ANK3: variants seen among roughly 807,000 people sequenced by gnomAD.
The protein encoded by ANK3 is ankyrin 3.
In ANK3, 57 loss-of-function variants were observed where a neutral mutation model predicts 370.9. That is an observed-to-expected ratio of 0.15 (90% CI 0.12 to 0.19). ANK3 has a LOEUF of 0.19. ANK3 is among the 10% of genes least tolerant of loss of function. ANK3 has a pLI of 1.00. For missense variants in ANK3, 4,439 were observed against 5,302.1 expected (o/e 0.84, Z 5.06); for synonymous variants, 1,929 against 1,946.3 (o/e 0.99, Z 0.23).
chr10:60,533,327 T>C (rs1311953594), intron 2 of ANK3, among the ~76,000 whole-genome samples: 2 of 152,134 alleles, frequency 1.3e-5, no homozygotes, highest in African/African-American at 4.8e-5. Flanking sequence ...AAGGAAGCTG[T>C]CGCTCAGAGA....
intron 7 of ANK3, among the ~76,000 whole-genome samples, chr10:60,242,901 T>C (rs1416598356): frequency 6.6e-6 from 1 of 152,134 alleles, no homozygotes; most frequent in Non-Finnish European, 1.5e-5. Context: ...AAAATGAAAA[T>C]ACCTTGCCAA....
At chr10:60,146,752 T>A (rs2094846354) in intron 23 of ANK3, among the ~76,000 whole-genome samples, 2 of 152,160 alleles carry the variant, frequency 1.3e-5, no homozygotes, top group African/African-American at 2.4e-5. Flanking sequence ...AGTGCTGGGA[T>A]TACAGACATG....
chr10:60,608,014 T>C (rs1222234112), intron 2 of ANK3, among the ~76,000 whole-genome samples: 1 of 152,168 alleles, frequency 6.6e-6, no homozygotes, highest in Non-Finnish European at 1.5e-5. Flanking sequence ...TTTTCCTTTA[T>C]CCAGATGTAT....
At chr10:60,194,576 T>C (rs899804798) in intron 16 of ANK3, among the ~76,000 whole-genome samples, 3 of 152,248 alleles carry the variant, frequency 2.0e-5, no homozygotes, top group African/African-American at 7.2e-5. Flanking sequence ...GTAGAGTATG[T>C]CAGAATTTCC....
chr10:60,056,678 C>T (rs2079231947), intron 41 of ANK3, among the ~76,000 whole-genome samples: 1 of 152,114 alleles, frequency 6.6e-6, no homozygotes, highest in African/African-American at 2.4e-5. Flanking sequence ...GTTCCAAGCC[C>T]ACCAATCTTA....
intron 2 of ANK3, among the ~76,000 whole-genome samples, chr10:60,417,609 G>A (rs577257085): frequency 3.6e-4 from 55 of 152,320 alleles, no homozygotes; most frequent in African/African-American, 1.3e-3. Flanking sequence ...TATGAAGTTA[G>A]CAACCTGCAG....
At chr10:60,295,757 T>C (rs1180926231) in intron 1 of ANK3, among the ~76,000 whole-genome samples, 1 of 152,208 alleles carries the variant, frequency 6.6e-6, no homozygotes, top group African/African-American at 2.4e-5. Context: ...AAGCTGACAA[T>C]TTAAAAATTA....
At chr10:60,549,140 T>TACACACAC (rs3047236) in intron 2 of ANK3, among the ~76,000 whole-genome samples, 47 of 145,640 alleles carry the variant, frequency 3.2e-4, no homozygotes, top group African/African-American at 3.1e-4. Flanking sequence ...GCATGTTTCA[T>TACACACAC]ACACACACAC....
chr10:60,057,414 A>C (rs1216508077), intron 41 of ANK3, among the ~76,000 whole-genome samples: 1 of 152,182 alleles, frequency 6.6e-6, no homozygotes, highest in Non-Finnish European at 1.5e-5. Flanking sequence ...TATGTATAAT[A>C]TATACTTATA....
At chr10:60,610,215 C>T (rs183991769) in intron 2 of ANK3, among the ~76,000 whole-genome samples, 126 of 152,198 alleles carry the variant, frequency 8.3e-4, no homozygotes, top group Middle Eastern at 6.8e-3. Flanking sequence ...CAAAGAAAGG[C>T]AAGGAGGGCC....
intron 2 of ANK3, among the ~76,000 whole-genome samples, chr10:60,509,211 A>G (rs1463238456): frequency 6.6e-6 from 1 of 152,148 alleles, no homozygotes; most frequent in Non-Finnish European, 1.5e-5. Flanking sequence ...AGACATAGGA[A>G]ATATGCAAAA....
At chr10:60,414,049 A>C (rs1225608721) in intron 2 of ANK3, among the ~76,000 whole-genome samples, 3 of 152,202 alleles carry the variant, frequency 2.0e-5, no homozygotes, top group Non-Finnish European at 4.4e-5. Flanking sequence ...GTAATTCATG[A>C]AAGTTGAACA....
At chr10:60,730,003 G>A (rs971521809) in intron 1 of ANK3, among the ~76,000 whole-genome samples, 13 of 152,078 alleles carry the variant, frequency 8.5e-5, no homozygotes, top group African/African-American at 1.2e-4. Flanking sequence ...GATTTTGTTT[G>A]TCCACCTTCA....
chr10:60,427,706 GT>G (rs1350260194), intron 2 of ANK3, among the ~76,000 whole-genome samples: 5 of 152,226 alleles, frequency 3.3e-5, no homozygotes, highest in Non-Finnish European at 7.4e-5. Context: ...AAATTTTAAT[GT>G]TTTTGAAAAT....
At chr10:60,188,535 T>C (rs1039452370) in intron 16 of ANK3, among the ~76,000 whole-genome samples, 1 of 152,200 alleles carries the variant, frequency 6.6e-6, no homozygotes, top group African/African-American at 2.4e-5. Context: ...TTTTGAGCCA[T>C]GTGGAAGGAT....
intron 42 of ANK3, chr10:60,050,734 G>A (rs2131893572): frequency 6.6e-6 from 1 of 152,200 alleles, no homozygotes; most frequent in South Asian, 2.1e-4. Flanking sequence ...CAAAAGGTAA[G>A]TGCTTCAACA....
chr10:60,553,448 T>A (rs1167443653), intron 2 of ANK3, among the ~76,000 whole-genome samples: 4 of 151,540 alleles, frequency 2.6e-5, no homozygotes, highest in African/African-American at 9.6e-5. Flanking sequence ...AGTTAATTCA[T>A]AATATATTTT....
chr10:60,327,011 G>T (rs1179345716), intron 1 of ANK3, among the ~76,000 whole-genome samples: 2 of 133,626 alleles, frequency 1.5e-5, no homozygotes, highest in East Asian at 2.0e-4. Context: ...CCGAGACTCC[G>T]TCTCAAAAAA....
intron 2 of ANK3, among the ~76,000 whole-genome samples, chr10:60,463,819 CT>C (rs2064948194): frequency 7.0e-6 from 1 of 143,194 alleles, no homozygotes; most frequent in Non-Finnish European, 1.5e-5. Context: ...CAGCTCAACT[CT>C]TTCTCCTCTA....
Sources: gnomAD v4.1 joint callset for allele counts (sites outside exome capture counted in the v4.1 genomes callset) on GRCh38, gnomAD v4.1.1 for gene constraint, MANE v1.5 for transcripts, NCBI Gene and HGNC (gene_info 2026-07-23, HGNC 2026-07-21) for gene names.